The following PGAP2 variants were observed in gnomAD, a reference collection of about 807,000 sequenced individuals.
PGAP2 encodes the protein acyltransferase PGAP2.
In PGAP2, 21 loss-of-function variants were observed where a neutral mutation model predicts 33.2. The ratio of observed to expected loss-of-function variants is 0.63; its 90% confidence interval spans 0.45 to 0.91. The LOEUF is 0.91. Among genes scored for constraint, PGAP2 ranks in the 40% least tolerant of loss-of-function variants. The probability of loss-of-function intolerance (pLI) is 0.00; values close to 1 mark genes in which losing one functional copy is unlikely to be tolerated. For missense variants in PGAP2, 345 were observed against 424.0 expected, an observed-to-expected ratio of 0.81 and a Z score of 1.64; for synonymous variants, 161 against 172.9, an observed-to-expected ratio of 0.93 and a Z score of 0.54.
upstream of PGAP2, among the ~76,000 whole-genome samples, chr11:3,804,005 C>G (rs1530892): frequency 0.79 from 119,196 of 151,640 alleles, 47,725 homozygotes; most frequent in Non-Finnish European, 0.88. Flanking sequence ...TGGCCAGACT[C>G]GACTCAAACT....
rs57460101 is a variant in PGAP2 at position 3,814,748 on chromosome 11, T to TTTTCTTTCTTTC, written c.166-2551_166-2540dup. 7.3e-3 allele frequency among the ~76,000 whole-genome samples: 820 copies of TTTTCTTTCTTTC among 112,650 alleles called. 8 individuals are homozygous for TTTTCTTTCTTTC. The highest frequency in any genetic ancestry group is 0.014 in the African/African-American group (428 of 30,474). 73.9% of individuals were successfully genotyped at this position (112,650 alleles called of 152,430 possible). The stretch of plus-strand genomic sequence containing the variant: ...CTTTCCTTCTTTCCTTCTTTCCTTC[T>TTTTCTTTCTTTC]TTTCTTTCTTTCTTTCTTTCTTTCT... On this transcript the variant is annotated intron_variant, in intron 2 of 6. Transcript: ENST00000278243.
intron 1 of PGAP2, chr11:3,798,222 T>TTA: frequency 9.5e-7 from 1 of 1,047,540 alleles, no homozygotes; most frequent in Admixed American, 3.9e-5. Context: ...AGGATGGACA[T>TTA]TAGGAGCATT....
intron 1 of PGAP2, among the ~76,000 whole-genome samples, chr11:3,809,529 T>A (rs979525110): frequency 1.3e-5 from 2 of 152,220 alleles, no homozygotes; most frequent in Non-Finnish European, 2.9e-5. Flanking sequence ...TCCCTGAAGA[T>A]CTAGTCTTCA....
At chr11:3,814,747 CTTTTCTTT>C (rs1565011007) in intron 2 of PGAP2, among the ~76,000 whole-genome samples, 4 of 102,144 alleles carry the variant, frequency 3.9e-5, no homozygotes, top group Admixed American at 1.0e-4. Context: ...TTCTTTCCTT[CTTTTCTTT>C]CTTTCTTTCT....
intron 2 of PGAP2, among the ~76,000 whole-genome samples, chr11:3,812,076 T>G (rs559774875): frequency 1.3e-5 from 2 of 151,854 alleles, no homozygotes; most frequent in African/African-American, 2.4e-5. Flanking sequence ...CCTCTAAGAT[T>G]CCATAGATGT....
intron 1 of PGAP2, among the ~76,000 whole-genome samples, chr11:3,800,780 C>T (rs528582260): frequency 5.2e-5 from 7 of 135,518 alleles, no homozygotes; most frequent in South Asian, 4.6e-4. Context: ...CCACTGCACT[C>T]GATCCTGGGC....
intron 3 of PGAP2, chr11:3,822,986 T>C: frequency 2.9e-6 from 4 of 1,390,238 alleles, no homozygotes; most frequent in South Asian, 1.3e-5. Context: ...TTCCTTAGAC[T>C]ACCCCAGGTT....
intron 3 of PGAP2, among the ~76,000 whole-genome samples, chr11:3,821,782 G>C (rs993878701): frequency 1.3e-5 from 2 of 151,902 alleles, no homozygotes; most frequent in African/African-American, 2.4e-5. Context: ...GCATATTCTG[G>C]CTTGGCGTGG....
intron 3 of PGAP2, among the ~76,000 whole-genome samples, chr11:3,821,597 A>T (rs1565043682): frequency 1.3e-5 from 2 of 152,072 alleles, no homozygotes; most frequent in Non-Finnish European, 2.9e-5. Flanking sequence ...CATCTCTACT[A>T]AAAATACAAA....
At chr11:3,809,458 T>C (rs571079124) in intron 1 of PGAP2, among the ~76,000 whole-genome samples, 1 of 152,294 alleles carries the variant, frequency 6.6e-6, no homozygotes, top group South Asian at 2.1e-4. Flanking sequence ...CCTCCAAGAA[T>C]TGGAATGGAT....
upstream of PGAP2, chr11:3,808,007 G>A (rs961616982): frequency 1.1e-5 from 14 of 1,329,872 alleles, no homozygotes; most frequent in East Asian, 4.3e-4. Context: ...AGGACAGGGC[G>A]CCCTCTCCTG....
chr11:3,820,731 G>A (rs1590357509), intron 3 of PGAP2, among the ~76,000 whole-genome samples: 2 of 152,200 alleles, frequency 1.3e-5, no homozygotes, highest in Non-Finnish European at 2.9e-5. Context: ...GCTGAAGCAC[G>A]AGAATCACTT....
rs1000834186 is a variant in PGAP2, at chr11:3,816,448, C to T, written c.166-905C>T. ...CAGTGGGGTTGTGAGGGGGAGTTGTCGGCCAGGAGGGAGAAGAGATTGGAA... is the reference window on the plus strand; with the variant it reads ...CAGTGGGGTTGTGAGGGGGAGTTGTTGGCCAGGAGGGAGAAGAGATTGGAA... On this transcript the variant is annotated intron_variant, in intron 2 of 6. Coordinates refer to ENST00000278243, the MANE Select transcript of PGAP2 (RefSeq NM_014489.4). 7.2e-5 allele frequency among the ~76,000 whole-genome samples: 11 copies of T among 151,992 alleles called. 1 individual carries two copies. The highest frequency in any genetic ancestry group is 1.3e-4 in the Admixed American group (2 of 15,248).
At chr11:3,824,399 G>T in intron 5 of PGAP2, 23 bp downstream of exon 5, 2 of 1,614,176 alleles carry the variant, frequency 1.2e-6, no homozygotes, top group South Asian at 1.1e-5. Context: ...CCTAGCGGGG[G>T]CTCCAAGGCA....
chr11:3,825,048 G>C lies in PGAP2; in HGVS notation c.737G>C (p.Arg246Pro). The C allele has an allele frequency of 6.2e-7, 1 of 1,614,144 alleles. No individual in the cohort carries two copies. ...EDRKSYSWKQ[R>P]LFIINFISFF... ...CGCAAGTCCTACAGCTGGAAACAGC[G>C]GCTCTTCATCATCAACTTCATCTCC... Residue 246 changes from arginine (R) to proline (P), a missense_variant, in exon 6 of 7, where the codon CGG becomes CCG. Around this residue, in one of 2 missense-constraint regions of PGAP2, gnomAD observed 311 missense variants for 353.6 expected, o/e 0.88. Coordinates refer to ENST00000278243, the MANE Select transcript of PGAP2 (RefSeq NM_014489.4).
At chr11:3,820,521 T>G (rs1234868620) in intron 3 of PGAP2, among the ~76,000 whole-genome samples, 1 of 152,008 alleles carries the variant, frequency 6.6e-6, no homozygotes, top group Non-Finnish European at 1.5e-5. Context: ...ATACAAAAAT[T>G]AGAGGCCAGG....
chr11:3,816,996 C>T (rs2087186159), intron 2 of PGAP2, among the ~76,000 whole-genome samples: 1 of 152,180 alleles, frequency 6.6e-6, no homozygotes, highest in East Asian at 1.9e-4. Flanking sequence ...AATAACCTTT[C>T]TACCTCTGAC....
rs1473926521 is a variant in PGAP2, at chr11:3,811,930, G to A, written c.165+506G>A. ...TCTGTAGGAATGTGACTCAGTATAT[G>A]TGTGTGTGATTGTGAGGGTCATGAC... On this transcript the variant is annotated intron_variant, in intron 2 of 6. Coordinates refer to ENST00000278243, the MANE Select transcript of PGAP2 (RefSeq NM_014489.4). The surrounding 1 kb of genome is among the most constrained non-coding windows in gnomAD (Gnocchi z 4.6). 2.0e-5 allele frequency among the ~76,000 whole-genome samples: 3 copies of A among 152,276 alleles called. No individual in the cohort carries two copies. Among genetic ancestry groups the A allele is most frequent in the East Asian group, 3.9e-4 (2 of 5,188 alleles).
At chr11:3,820,597 TTGCAA>T (rs1004351524) in intron 3 of PGAP2, among the ~76,000 whole-genome samples, 3 of 151,914 alleles carry the variant, frequency 2.0e-5, no homozygotes, top group African/African-American at 7.3e-5. Flanking sequence ...GAGGTGGAGT[TTGCAA>T]TGAGTTGAGA....
Sources: gnomAD v4.1 joint callset for allele counts (sites outside exome capture counted in the v4.1 genomes callset) on GRCh38, gnomAD v4.1.1 for gene constraint, gnomAD v4.1.1 regional missense constraint, Gnocchi (gnomAD v3.1) non-coding constraint, MANE v1.5 for transcripts, NCBI Gene and HGNC (gene_info 2026-07-23, HGNC 2026-07-21) for gene names.